Variants in EYS observed in about 807,000 individuals in gnomAD.
EYS encodes protein eyes shut homolog.
EYS carries 250 observed loss-of-function variants against 282.1 expected under a neutral mutation model. The observed-to-expected ratio is 0.89, with a 90% CI of 0.80 to 0.98. The LOEUF is 0.98. EYS is among the 50% of genes least tolerant of loss of function. The pLI is 0.00. For synonymous variants in EYS, 1,355 were observed against 1,282.9 expected (o/e 1.06, Z -1.20); for missense variants, 4,016 against 3,709.0 (o/e 1.08, Z -2.15).
chr6:64,314,901 G>T (rs1476089286), intron 29 of EYS, among the ~76,000 whole-genome samples: 3 of 152,018 alleles, frequency 2.0e-5, no homozygotes, highest in Non-Finnish European at 2.9e-5. Context: ...AAAGCTAGCA[G>T]AAGACAAGAA....
intron 2 of EYS, among the ~76,000 whole-genome samples, chr6:65,598,971 A>G (rs1015971945): frequency 3.3e-5 from 5 of 152,036 alleles, no homozygotes; most frequent in African/African-American, 1.2e-4. Context: ...GTATATATCT[A>G]TATCTATATT....
chr6:64,115,683 G>A (rs1199173441), intron 31 of EYS, among the ~76,000 whole-genome samples: 1 of 152,204 alleles, frequency 6.6e-6, no homozygotes, highest in East Asian at 1.9e-4. Flanking sequence ...TCCACCCATA[G>A]GCAAAGGTCT....
intron 31 of EYS, among the ~76,000 whole-genome samples, chr6:64,197,001 A>T (rs1242332255): frequency 2.6e-5 from 4 of 151,550 alleles, no homozygotes; most frequent in Admixed American, 1.3e-4. Flanking sequence ...GCAAGTTTTA[A>T]GTGTTTGCTG....
intron 12 of EYS, among the ~76,000 whole-genome samples, chr6:65,283,721 C>T (rs1562071362): frequency 6.6e-6 from 1 of 151,814 alleles, no homozygotes; most frequent in Non-Finnish European, 1.5e-5. Flanking sequence ...GTATCTATGC[C>T]TTTTTAAGAA....
At chr6:64,448,920 A>G (rs1775216914) in intron 26 of EYS, among the ~76,000 whole-genome samples, 1 of 152,208 alleles carries the variant, frequency 6.6e-6, no homozygotes, top group African/African-American at 2.4e-5. Context: ...ACAGAGCAGA[A>G]AAATGGGAAA....
At chr6:64,532,569 C>T (rs910001549) in intron 26 of EYS, among the ~76,000 whole-genome samples, 1 of 151,848 alleles carries the variant, frequency 6.6e-6, no homozygotes, top group Non-Finnish European at 1.5e-5. Flanking sequence ...ATTAGCTGGG[C>T]GTGGTGGCAG....
intron 31 of EYS, among the ~76,000 whole-genome samples, chr6:64,118,308 C>T (rs1418586667): frequency 6.6e-6 from 1 of 151,960 alleles, no homozygotes; most frequent in Non-Finnish European, 1.5e-5. Context: ...CTATAGTAAC[C>T]AAAACAACAT....
intron 26 of EYS, among the ~76,000 whole-genome samples, chr6:64,509,897 G>C (rs1409451430): frequency 4.6e-5 from 7 of 152,152 alleles, no homozygotes; most frequent in African/African-American, 1.7e-4. Context: ...ATGGTTGTAT[G>C]TTAATTCCTC....
intron 29 of EYS, among the ~76,000 whole-genome samples, chr6:64,355,719 C>T (rs1423037785): frequency 6.6e-6 from 1 of 151,550 alleles, no homozygotes; most frequent in Non-Finnish European, 1.5e-5. Context: ...TACTGAGTGT[C>T]TCCTGTGCAC....
intron 12 of EYS, among the ~76,000 whole-genome samples, chr6:65,066,165 A>G (rs1319432680): frequency 6.6e-6 from 1 of 152,210 alleles, no homozygotes; most frequent in Non-Finnish European, 1.5e-5. Context: ...ATATCAGTAA[A>G]TGGTTAATAA....
At chr6:64,909,584 T>C (rs753950531) in intron 16 of EYS, among the ~76,000 whole-genome samples, 1 of 152,142 alleles carries the variant, frequency 6.6e-6, no homozygotes, top group Non-Finnish European at 1.5e-5. Context: ...CTCATTTTCC[T>C]GTAGAAAATG....
At chr6:64,584,598 A>G (rs1766174405) in intron 26 of EYS, among the ~76,000 whole-genome samples, 1 of 152,070 alleles carries the variant, frequency 6.6e-6, no homozygotes, top group Non-Finnish European at 1.5e-5. Context: ...ACAAATAGGT[A>G]GTTAAAATTT....
chr6:63,856,017 T>TG (rs781167294), intron 36 of EYS, among the ~76,000 whole-genome samples: 1 of 111,244 alleles, frequency 9.0e-6, no homozygotes, highest in Admixed American at 8.7e-5. Context: ...TCAGTGAAGT[T>TG]TTTTTTTTTT....
At chr6:64,172,826 T>C (rs1239566694) in intron 31 of EYS, among the ~76,000 whole-genome samples, 1 of 152,206 alleles carries the variant, frequency 6.6e-6, no homozygotes, top group Non-Finnish European at 1.5e-5. Flanking sequence ...GTGAACTGTA[T>C]ATGCAAGGGA....
At chr6:64,700,700 T>C (rs1010213578) in intron 22 of EYS, among the ~76,000 whole-genome samples, 2 of 151,974 alleles carry the variant, frequency 1.3e-5, no homozygotes, top group African/African-American at 2.4e-5. Context: ...AAAATTACAT[T>C]ACACTGATGA....
At chr6:64,904,937 A>C (rs1008729111) in intron 16 of EYS, among the ~76,000 whole-genome samples, 2 of 152,194 alleles carry the variant, frequency 1.3e-5, no homozygotes, top group Non-Finnish European at 2.9e-5. Flanking sequence ...ATTGGGAGAA[A>C]ACATAACATG....
intron 30 of EYS, among the ~76,000 whole-genome samples, chr6:64,292,958 A>G (rs1409922754): frequency 1.3e-5 from 2 of 152,142 alleles, no homozygotes; most frequent in African/African-American, 2.4e-5. Context: ...TATTCAATGT[A>G]TGGTTCCAGT....
chr6:65,010,413 T>C (rs1771828522), intron 13 of EYS, among the ~76,000 whole-genome samples: 1 of 152,254 alleles, frequency 6.6e-6, no homozygotes, highest in Admixed American at 6.5e-5. Flanking sequence ...GAAGGGCCAG[T>C]GCTGCGACTG....
At chr6:64,857,357 C>G (rs1034641586) in intron 19 of EYS, among the ~76,000 whole-genome samples, 2 of 152,194 alleles carry the variant, frequency 1.3e-5, no homozygotes, top group East Asian at 3.9e-4. Context: ...AATAATGTGG[C>G]ATTTGTCTTT....
Sources: allele counts gnomAD v4.1 joint callset (sites outside exome capture counted in the v4.1 genomes callset), GRCh38; gene constraint gnomAD v4.1.1; transcripts MANE v1.5; gene names NCBI Gene and HGNC (gene_info 2026-07-23, HGNC 2026-07-21).